MEAK7: variants seen among roughly 807,000 people sequenced by gnomAD.
MEAK7 encodes MTOR associated protein MEAK7.
Under a neutral mutation model 40.5 loss-of-function variants are expected in MEAK7, and 68 were observed. The observed-to-expected ratio is 1.68, with a 90% confidence interval of 1.38 to 2.06. The LOEUF (loss-of-function observed/expected upper bound fraction) is 2.06. Ranked by LOEUF, MEAK7 falls within the 30% of genes most tolerant of loss-of-function variation. MEAK7 has a pLI of 0.00. For missense variants in MEAK7, 918 were observed against 580.5 expected (o/e 1.58, Z -5.98); for synonymous variants, 338 against 231.9 (o/e 1.46, Z -4.16).
chr16:84,481,653 G>A (rs917070515), intron 6 of MEAK7, among the ~76,000 whole-genome samples: 6 of 152,214 alleles, frequency 3.9e-5, no homozygotes, highest in African/African-American at 1.4e-4. Flanking sequence ...CTTTCTGTCA[G>A]CTGGGCGCAG....
At chr16:84,492,397 T>C (rs753560630) in intron 3 of MEAK7, among the ~76,000 whole-genome samples, 1 of 152,114 alleles carries the variant, frequency 6.6e-6, no homozygotes, top group Non-Finnish European at 1.5e-5. Flanking sequence ...CACAGAGATT[T>C]AAGTGGCCTC....
At chr16:84,480,109 T>C in intron 7 of MEAK7, 83 bp from the exon 8 acceptor site, 1 of 1,160,870 alleles carries the variant, frequency 8.6e-7, no homozygotes, top group Non-Finnish European at 1.2e-6. Context: ...CCAGCCTTCT[T>C]GGGTGGAATC....
At chr16:84,497,487 C>G in intron 2 of MEAK7, 1 of 1,290,084 alleles carries the variant, frequency 7.8e-7, no homozygotes, top group Non-Finnish European at 1.0e-6. Context: ...GAGGGCAGAC[C>G]CATCACCGCG....
rs35489449 is a variant in MEAK7, at chr16:84,490,654, A to ATGTGTGTGTGTGTGTG, written c.385-1248_385-1233dup. Among the ~76,000 whole-genome samples, 151 of 137,602 alleles carry ATGTGTGTGTGTGTGTG rather than the reference A, an allele frequency of 1.1e-3. 6 individuals carry two copies. The highest frequency in any genetic ancestry group is 3.7e-3 in the African/African-American group (134 of 36,124). The allele number at this position is 137,602 out of a possible 152,430, so 90.3% of individuals were successfully genotyped here. On this transcript the variant is annotated intron_variant, in intron 3 of 7. Transcript: ENST00000343629. ...TCAGCTTAATTAAAAGCTAATCAAG[A>ATGTGTGTGTGTGTGTG]TGTGTGTGTGTGTGTGTGTGTGTGT...
chr16:84,504,592 G>C lies in MEAK7; in HGVS notation c.-26+9C>G, dbSNP rs534552061. 3,889 of 985,788 alleles carry C rather than the reference G, an allele frequency of 3.9e-3. 12 individuals are homozygous for C. The highest frequency in any genetic ancestry group is 4.4e-3 in the Non-Finnish European group (3,682 of 830,182). 61.1% of individuals were successfully genotyped at this position (985,788 alleles called of 1,614,324 possible). ...TCAGCTCACTGCGAACCTCAGCCCAGGTACCTACCCTGCCGGGCTTCCTGG... is the reference window on the plus strand; with the variant it reads ...TCAGCTCACTGCGAACCTCAGCCCACGTACCTACCCTGCCGGGCTTCCTGG... On this transcript the variant is annotated intron_variant, in intron 1 of 7. Coordinates refer to ENST00000343629, the MANE Select transcript of MEAK7 (RefSeq NM_020947.4).
At chr16:84,493,148 C>G (rs1306895460) in intron 3 of MEAK7, among the ~76,000 whole-genome samples, 1 of 152,090 alleles carries the variant, frequency 6.6e-6, no homozygotes, top group African/African-American at 2.4e-5. Flanking sequence ...TCTGATGTGT[C>G]TTAGTATATG....
intron 3 of MEAK7, among the ~76,000 whole-genome samples, chr16:84,491,709 G>C (rs1913628660): frequency 6.6e-6 from 1 of 151,174 alleles, no homozygotes; most frequent in Non-Finnish European, 1.5e-5. Context: ...GTGGTGGCGT[G>C]CACCTGTAGT....
At chr16:84,493,679 T>G (rs1386557059) in intron 3 of MEAK7, among the ~76,000 whole-genome samples, 1 of 152,254 alleles carries the variant, frequency 6.6e-6, no homozygotes, top group East Asian at 1.9e-4. Flanking sequence ...TGAGTATTCT[T>G]AATTTATGGC....
At chr16:84,484,048 C>T (rs1453435339) in intron 5 of MEAK7, among the ~76,000 whole-genome samples, 2 of 152,218 alleles carry the variant, frequency 1.3e-5, no homozygotes, top group Admixed American at 1.3e-4. Flanking sequence ...CTGCCCCCGC[C>T]CCGCTCTCCC....
intron 1 of MEAK7, among the ~76,000 whole-genome samples, chr16:84,500,612 C>A (rs771000651): frequency 6.6e-6 from 1 of 152,160 alleles, no homozygotes; most frequent in African/African-American, 2.4e-5. Flanking sequence ...AGGGCTTACC[C>A]GACCCCGTTT....
chr16:84,480,200 G>A (rs1956457471), intron 7 of MEAK7, among the ~76,000 whole-genome samples, 174 bp from the exon 8 acceptor site: 1 of 152,222 alleles, frequency 6.6e-6, no homozygotes, highest in African/African-American at 2.4e-5. Context: ...GAGGTTCAGG[G>A]GCCAACAGCA....
In MEAK7 at chr16:84,495,776, G is replaced by C. The variant is rs8055536; in HGVS notation, c.291C>G (p.His97Gln). Residue 97 changes from histidine (H) to glutamine (Q), a missense_variant, in exon 3 of 8, where the codon CAC (histidine) becomes CAG (glutamine). His to Gln is a conservative substitution (Grantham distance 24). Transcript: ENST00000343629. ...SQEQFTASMS[H>Q]LLKGNSEEKS... Reference sequence around the variant, plus strand: ...TCTCCTCGGAGTTTCCTTTCAACAGGTGGGACATGGATGCTGTGAACTGCT... The same window carrying C: ...TCTCCTCGGAGTTTCCTTTCAACAGCTGGGACATGGATGCTGTGAACTGCT... The C allele has an allele frequency of 0.023, 37,562 of 1,613,914 alleles. 1,033 individuals carry two copies. Among genetic ancestry groups the C allele is most frequent in the African/African-American group, 0.13 (10,098 of 74,900 alleles).
rs1245809077 is a variant in MEAK7, at chr16:84,476,445, G to GT, written c.*3467dup. ...ATTGAGTATAAATTGAGCTCAAGAG[G>GT]TTTTTTTAATTCATCTATATCTAAA... On this transcript the variant is annotated 3_prime_UTR_variant, in exon 8 of 8. Coordinates refer to ENST00000343629, the MANE Select transcript of MEAK7 (RefSeq NM_020947.4). The GT allele has an allele frequency of 6.6e-6, 1 of 152,186 alleles. No homozygotes were observed. The highest frequency in any genetic ancestry group is 2.1e-4 in the South Asian group (1 of 4,822). 9.4% of individuals were successfully genotyped at this position (152,186 alleles called of 1,614,324 possible). A position where few individuals can be genotyped will look rare whatever the true frequency, so the allele number is the denominator to read the frequency against.
At chr16:84,495,535 C>T in intron 3 of MEAK7, 148 bp downstream of exon 3, 1 of 732,866 alleles carries the variant, frequency 1.4e-6, no homozygotes, top group Non-Finnish European at 2.2e-6. Flanking sequence ...TGCCCTTAAC[C>T]TTGGCAAAAT....
Position 84,476,859 on chromosome 16 carries a change from A to G in MEAK7, c.*3054T>C, listed in dbSNP as rs1016861145. 3 of 152,190 alleles carry G rather than the reference A, an allele frequency of 2.0e-5. No homozygotes were observed. The highest frequency in any genetic ancestry group is 2.9e-5 in the Non-Finnish European group (2 of 68,044). The allele number at this position is 152,190 out of a possible 1,614,324, so 9.4% of individuals were successfully genotyped here. On this transcript the variant is annotated 3_prime_UTR_variant, in exon 8 of 8. Transcript: ENST00000343629. The stretch of plus-strand genomic sequence containing the variant: ...AGAGGCAGGAAGATGACTGACTTTA[A>G]GTTGTATCCTTTTATCTTTTTTTTC...
At chr16:84,482,440 C>T (rs1912645408) in intron 6 of MEAK7, 152 bp downstream of exon 6, 3 of 1,300,484 alleles carry the variant, frequency 2.3e-6, no homozygotes, top group Non-Finnish European at 3.2e-6. Context: ...GCCCCCAGCA[C>T]CGGCCCTGGA....
rs1289634491 is a variant in MEAK7 at position 84,482,596 on chromosome 16, C to A, written c.1073G>T (p.Gly358Val). 6.2e-7 allele frequency: 1 copy of A among 1,614,168 alleles called. No individual in the cohort carries two copies. Among genetic ancestry groups the A allele is most frequent in the South Asian group, 1.1e-5 (1 of 91,076 alleles). The change falls in exon 6 of 8, where the codon GGA becomes GTA. Residue 358 changes from glycine (G) to valine (V), a missense_variant. Transcript: ENST00000343629. ...LNHGQQTIPN[G>V]LGMGGQHNYF... Reference sequence around the variant, plus strand: ...CCACGCTCTGCCCGGGCTCACCAGTCCGTTCGGGATCGTCTGCTGTCCATG... The same window carrying A: ...CCACGCTCTGCCCGGGCTCACCAGTACGTTCGGGATCGTCTGCTGTCCATG...
chr16:84,495,459 T>A (rs1567501966), intron 3 of MEAK7: 1 of 563,538 alleles, frequency 1.8e-6, no homozygotes, highest in Non-Finnish European at 3.2e-6. Flanking sequence ...AGTCTGCTTT[T>A]CCGCTTTAAG....
chr16:84,478,137 A>G lies in MEAK7; in HGVS notation c.*1776T>C, dbSNP rs1406936306. On this transcript the variant is annotated 3_prime_UTR_variant, in exon 8 of 8. Coordinates refer to ENST00000343629, the MANE Select transcript of MEAK7 (RefSeq NM_020947.4). ...AAAAACATTGCAAAACAAAGTGACA[A>G]TAGGGACCTAAATTCTTTGGACTTA... 3 of 150,836 alleles carry G rather than the reference A, an allele frequency of 2.0e-5. No individual in the cohort carries two copies. Among genetic ancestry groups the G allele is most frequent in the Admixed American group, 6.6e-5 (1 of 15,190 alleles). 9.3% of individuals were successfully genotyped at this position (150,836 alleles called of 1,614,324 possible). A position where few individuals can be genotyped will look rare whatever the true frequency, so the allele number is the denominator to read the frequency against.
Sources: allele counts gnomAD v4.1 joint callset (sites outside exome capture counted in the v4.1 genomes callset), GRCh38; gene constraint gnomAD v4.1.1; transcripts MANE v1.5; gene names NCBI Gene and HGNC (gene_info 2026-07-23, HGNC 2026-07-21).